The following TAF4 variants were observed in gnomAD, a reference collection of about 807,000 sequenced individuals.
TAF4 encodes transcription initiation factor TFIID subunit 4.
A neutral mutation model predicts 90.3 loss-of-function variants in TAF4; 9 were observed. The observed-to-expected ratio is 0.10, with a 90% CI of 0.06 to 0.17. The LOEUF is 0.17. Ranked by LOEUF, TAF4 falls within the 10% of genes least tolerant of loss-of-function variation. The pLI is 1.00. For synonymous variants in TAF4, 818 were observed against 638.9 expected (o/e 1.28, Z -4.23); for missense variants, 1,351 against 1,370.7 (o/e 0.99, Z 0.23).
intron 1 of TAF4, among the ~76,000 whole-genome samples, chr20:62,063,049 C>T (rs2056098544): frequency 6.6e-6 from 1 of 152,188 alleles, no homozygotes; most frequent in African/African-American, 2.4e-5. Flanking sequence ...ACAGCAAAAC[C>T]AAGCCTCTGG....
chr20:62,029,622 T>C (rs1033191444), intron 1 of TAF4, among the ~76,000 whole-genome samples: 1 of 152,072 alleles, frequency 6.6e-6, no homozygotes, highest in Non-Finnish European at 1.5e-5. Context: ...AGAATGGGAA[T>C]GCAGGCTGGG....
chr20:61,995,505 A>G (rs2055657665), intron 14 of TAF4, among the ~76,000 whole-genome samples: 2 of 152,230 alleles, frequency 1.3e-5, no homozygotes, highest in Non-Finnish European at 2.9e-5. Flanking sequence ...CCTGCAGGGC[A>G]GCATCAACAG....
chr20:62,017,513 G>A (rs1228813755), intron 1 of TAF4, among the ~76,000 whole-genome samples: 1 of 152,096 alleles, frequency 6.6e-6, no homozygotes, highest in African/African-American at 2.4e-5. Flanking sequence ...CAGGCATGGT[G>A]GCGGGCCCCT....
At chr20:62,033,565 C>T (rs545177099) in intron 1 of TAF4, among the ~76,000 whole-genome samples, 146 of 152,162 alleles carry the variant, frequency 9.6e-4, no homozygotes, top group African/African-American at 2.7e-3. Context: ...GGCGAAACCC[C>T]GTCTCTACTA....
intron 14 of TAF4, among the ~76,000 whole-genome samples, chr20:61,979,679 C>T (rs1281662310): frequency 2.7e-5 from 4 of 148,002 alleles, no homozygotes; most frequent in Non-Finnish European, 6.0e-5. Context: ...GGGACTGCGG[C>T]CCGTGCAGGC....
At chr20:61,982,083 G>A (rs1376021019) in intron 14 of TAF4, among the ~76,000 whole-genome samples, 39 of 123,728 alleles carry the variant, frequency 3.2e-4, no homozygotes, top group East Asian at 7.2e-4. Context: ...CCCGAGAGGA[G>A]ACACCAAACC....
intron 7 of TAF4, 50 bp from the exon 8 acceptor site, chr20:62,003,928 G>T: frequency 6.6e-7 from 1 of 1,504,944 alleles, no homozygotes; most frequent in Middle Eastern, 2.5e-4. Flanking sequence ...GAGGGCCAGG[G>T]GCCACTCAGT....
intron 5 of TAF4, chr20:62,008,822 C>G: frequency 2.3e-6 from 1 of 443,068 alleles, no homozygotes; most frequent in Non-Finnish European, 3.9e-6. Context: ...CGGCAAAGCC[C>G]GGGAGACCTC....
chr20:62,012,602 A>T (rs1426440098), intron 3 of TAF4: 2 of 544,972 alleles, frequency 3.7e-6, no homozygotes, highest in East Asian at 8.0e-5. Context: ...CTGTGTGACT[A>T]AAAAAAAGAA....
At chr20:62,016,978 A>C (rs902543179) in intron 1 of TAF4, among the ~76,000 whole-genome samples, 1 of 152,026 alleles carries the variant, frequency 6.6e-6, no homozygotes, top group South Asian at 2.1e-4. Context: ...TTTGCAAAAA[A>C]AAAATTTTTT....
intron 1 of TAF4, among the ~76,000 whole-genome samples, chr20:62,050,306 A>G (rs1600861955): frequency 1.3e-5 from 2 of 151,636 alleles, no homozygotes; most frequent in East Asian, 2.0e-4. Flanking sequence ...CCCATGGACC[A>G]CTCCATGTCC....
At chr20:62,017,853 A>G (rs1224400205) in intron 1 of TAF4, among the ~76,000 whole-genome samples, 1 of 152,158 alleles carries the variant, frequency 6.6e-6, no homozygotes, top group African/African-American at 2.4e-5. Context: ...GAAAAAAAAA[A>G]GTATCCAGAT....
intron 1 of TAF4, among the ~76,000 whole-genome samples, chr20:62,058,993 G>A (rs1370339452): frequency 6.6e-6 from 1 of 152,172 alleles, no homozygotes; most frequent in African/African-American, 2.4e-5. Flanking sequence ...GGCTCGGGGG[G>A]CCAACCTCTC....
chr20:62,018,341 G>T (rs2055824293), intron 1 of TAF4, among the ~76,000 whole-genome samples: 1 of 152,236 alleles, frequency 6.6e-6, no homozygotes, highest in African/African-American at 2.4e-5. Flanking sequence ...TTTCCGAGAG[G>T]TTCTCACAGT....
chr20:62,055,736 T>C lies in TAF4; in HGVS notation c.1360+8715A>G, dbSNP rs76148899. 9.4e-3 allele frequency among the ~76,000 whole-genome samples: 1,433 copies of C among 152,266 alleles called. 8 individuals are homozygous for C. Among genetic ancestry groups the C allele is most frequent in the South Asian group, 0.038 (185 of 4,820 alleles). On this transcript the variant is annotated intron_variant, in intron 1 of 14. Transcript: ENST00000252996. ...CATCCCTCAGCCTCCTGGGAAAGCC[T>C]TCCCTGACTACCCTGCCCAGCAGTC...
In TAF4 at chr20:62,029,900, G is replaced by A. The variant is rs190633021; in HGVS notation, c.1361-15193C>T. On this transcript the variant is annotated intron_variant, in intron 1 of 14. Transcript: ENST00000252996. The stretch of plus-strand genomic sequence containing the variant: ...CAGCCTGGTGACACGGCAAGACTCC[G>A]TCTCAAAAAAAACAAAAAAAAGAAT... 4.1e-3 allele frequency among the ~76,000 whole-genome samples: 631 copies of A among 152,058 alleles called. 6 individuals carry two copies. Among genetic ancestry groups the A allele is most frequent in the Admixed American group, 6.6e-3 (101 of 15,284 alleles).
chr20:62,001,047 C>T (rs1163734988), intron 9 of TAF4, among the ~76,000 whole-genome samples: 1 of 152,208 alleles, frequency 6.6e-6, no homozygotes, highest in Non-Finnish European at 1.5e-5. Flanking sequence ...CTATGCAAAG[C>T]TTTTTAAAGC....
Position 61,998,174 on chromosome 20 carries a change from C to T in TAF4, c.2932G>A (p.Asp978Asn). 6.2e-7 allele frequency: 1 copy of T among 1,613,830 alleles called. No homozygotes were observed. The highest frequency in any genetic ancestry group is 1.1e-5 in the South Asian group (1 of 90,952). Reference sequence around the variant, plus strand: ...TGTTTCAGCCTTAACTGTTCTGGATCTTCTTGTCTTGACCGAGACTATTTT... The same window carrying T: ...TGTTTCAGCCTTAACTGTTCTGGATTTTCTTGTCTTGACCGAGACTATTTT... ...RAAKSRSRQE[D>N]PEQLRLKQKA... The change falls in exon 13 of 15, where the codon GAT (aspartate) becomes AAT (asparagine). Residue 978 changes from aspartate (D) to asparagine (N), a missense_variant. Transcript: ENST00000252996.
rs868317777 is a variant in TAF4, at chr20:62,065,500, C to A, written c.311G>T (p.Arg104Leu). The change falls in exon 1 of 15, where the codon CGC becomes CTC. Residue 104 changes from arginine (R) to leucine (L), a missense_variant. By Grantham distance (102) the Arg-to-Leu change is moderately radical. This residue lies in a region of TAF4 where 782 missense variants were observed against 536.6 expected (regional missense o/e 1.46). Coordinates refer to ENST00000252996, the MANE Select transcript of TAF4 (RefSeq NM_003185.4). ...GCGGCGCGGTGAGGGGGGGCCCGGG[C>A]GCTGCGGCCCCCCGCCCCCCGGCCG... is the stretch of plus-strand genomic sequence containing the variant. ...RARPGGGGPQ[R>L]PGPPSPRRPL... 37 of 969,948 alleles carry A rather than the reference C, an allele frequency of 3.8e-5. No individual in the cohort carries two copies. The highest frequency in any genetic ancestry group is 4.5e-5 in the Non-Finnish European group (37 of 819,702). 60.1% of individuals were successfully genotyped at this position (969,948 alleles called of 1,614,324 possible).
Sources: gnomAD v4.1 joint callset for allele counts (sites outside exome capture counted in the v4.1 genomes callset) on GRCh38, gnomAD v4.1.1 for gene constraint, gnomAD v4.1.1 regional missense constraint, MANE v1.5 for transcripts, NCBI Gene and HGNC (gene_info 2026-07-23, HGNC 2026-07-21) for gene names.